The following UST variants were observed in gnomAD, a reference collection of about 807,000 sequenced individuals.
UST encodes chondroitin sulfate 2-O-sulfotransferase.
UST carries 21 observed loss-of-function variants against 45.6 expected under a neutral mutation model. That is an observed-to-expected ratio of 0.46 (90% confidence interval 0.33 to 0.66). UST has a LOEUF of 0.66. UST is among the 30% of genes least tolerant of loss of function. UST has a pLI of 0.02. For synonymous variants in UST, 215 were observed against 200.6 expected (o/e 1.07, Z -0.61); for missense variants, 463 against 512.4 (o/e 0.90, Z 0.93).
intron 3 of UST, among the ~76,000 whole-genome samples, chr6:148,946,305 G>T (rs1473506596): frequency 6.6e-6 from 1 of 152,022 alleles, no homozygotes; most frequent in African/African-American, 2.4e-5. Context: ...GAGGTCAGGA[G>T]TTCGAGACCA....
At chr6:148,971,817 C>G (rs1303404141) in intron 5 of UST, among the ~76,000 whole-genome samples, 1 of 152,212 alleles carries the variant, frequency 6.6e-6, no homozygotes, top group Non-Finnish European at 1.5e-5. Context: ...GGCATGTTTA[C>G]AGGACATCCT....
At chr6:148,791,927 C>T (rs935114653) in intron 1 of UST, among the ~76,000 whole-genome samples, 1 of 152,202 alleles carries the variant, frequency 6.6e-6, no homozygotes, top group African/African-American at 2.4e-5. Context: ...TGTATCTAAG[C>T]TTGCACACTT....
intron 1 of UST, among the ~76,000 whole-genome samples, chr6:148,886,715 G>A (rs901597395): frequency 6.6e-6 from 1 of 152,146 alleles, no homozygotes; most frequent in Non-Finnish European, 1.5e-5. Context: ...TAATGGGTGA[G>A]AATAATGGTG....
At chr6:148,858,876 A>G (rs145873507) in intron 1 of UST, among the ~76,000 whole-genome samples, 24,198 of 152,148 alleles carry the variant, frequency 0.16, 2,086 homozygotes, top group Middle Eastern at 0.3. Flanking sequence ...TATGTGCCAC[A>G]TTTTTTTAAT....
intron 2 of UST, among the ~76,000 whole-genome samples, chr6:148,938,805 A>G (rs540957287): frequency 1.3e-5 from 2 of 151,336 alleles, no homozygotes; most frequent in East Asian, 1.9e-4. Context: ...ATAATATTAT[A>G]TCAAAATAGA....
intron 1 of UST, among the ~76,000 whole-genome samples, chr6:148,810,883 CAAAG>C (rs1476996508): frequency 2.0e-5 from 3 of 152,020 alleles, no homozygotes; most frequent in South Asian, 2.1e-4. Context: ...AATAATTCCC[CAAAG>C]AAAGTTGGGA....
At chr6:148,775,041 A>C (rs1776504680) in intron 1 of UST, among the ~76,000 whole-genome samples, 1 of 152,104 alleles carries the variant, frequency 6.6e-6, no homozygotes, top group Admixed American at 6.5e-5. Flanking sequence ...AAAAGAGTGC[A>C]TGAAAGAAAA....
chr6:148,987,964 T>A (rs890108295), intron 5 of UST, among the ~76,000 whole-genome samples: 3 of 152,032 alleles, frequency 2.0e-5, no homozygotes, highest in African/African-American at 7.2e-5. Flanking sequence ...CTCGAGGAAT[T>A]GTCTAAGGAG....
At chr6:148,763,545 G>C (rs1776261246) in intron 1 of UST, among the ~76,000 whole-genome samples, 1 of 151,784 alleles carries the variant, frequency 6.6e-6, no homozygotes, top group Non-Finnish European at 1.5e-5. Flanking sequence ...TGTTTTTGTT[G>C]CATTGCTTAG....
chr6:148,987,508 A>C (rs539755777), intron 5 of UST, among the ~76,000 whole-genome samples: 2 of 152,236 alleles, frequency 1.3e-5, no homozygotes, highest in African/African-American at 4.8e-5. Context: ...TTTCTACTGC[A>C]CATGAGTAAG....
intron 1 of UST, among the ~76,000 whole-genome samples, chr6:148,757,702 T>G (rs1292728635): frequency 6.6e-6 from 1 of 152,252 alleles, no homozygotes; most frequent in Non-Finnish European, 1.5e-5. Flanking sequence ...GAAACACCAT[T>G]GCTGTTTTTT....
intron 5 of UST, among the ~76,000 whole-genome samples, chr6:148,966,575 T>C (rs1780804286): frequency 6.6e-6 from 1 of 152,242 alleles, no homozygotes; most frequent in South Asian, 2.1e-4. Flanking sequence ...TTAAGAGGAA[T>C]GCTCTAGCTT....
At chr6:148,871,152 C>T (rs1368878968) in intron 1 of UST, among the ~76,000 whole-genome samples, 3 of 151,368 alleles carry the variant, frequency 2.0e-5, no homozygotes, top group Non-Finnish European at 2.9e-5. Context: ...CTCTCCCTCT[C>T]TCCCTCTCTC....
intron 7 of UST, among the ~76,000 whole-genome samples, chr6:149,023,808 G>A (rs1257291952): frequency 2.0e-5 from 3 of 152,150 alleles, no homozygotes; most frequent in African/African-American, 7.2e-5. Flanking sequence ...AGTGGCTCTT[G>A]TCGTGGTATA....
chr6:148,863,943 C>T (rs987598309), intron 1 of UST, among the ~76,000 whole-genome samples: 2 of 152,198 alleles, frequency 1.3e-5, no homozygotes, highest in African/African-American at 2.4e-5. Flanking sequence ...TTAGGCTACT[C>T]GGGGGTCAGG....
At chr6:149,052,758 T>C (rs1776506808) in intron 7 of UST, among the ~76,000 whole-genome samples, 1 of 152,238 alleles carries the variant, frequency 6.6e-6, no homozygotes, top group African/African-American at 2.4e-5. Flanking sequence ...GTGATGTTCA[T>C]TGATATTCTA....
intron 7 of UST, among the ~76,000 whole-genome samples, chr6:149,029,340 GTTATATA>G (rs962048737): frequency 1.4e-5 from 2 of 145,484 alleles, no homozygotes; most frequent in Non-Finnish European, 3.0e-5. Context: ...TATATTGTAC[GTTATATA>G]TTATATATAA....
intron 1 of UST, among the ~76,000 whole-genome samples, chr6:148,803,126 T>TG (rs1777081772): frequency 6.6e-6 from 1 of 152,186 alleles, no homozygotes; most frequent in Non-Finnish European, 1.5e-5. Flanking sequence ...ATGATACTGT[T>TG]GCAATTGCTG....
intron 1 of UST, among the ~76,000 whole-genome samples, chr6:148,838,970 A>C (rs1414091823): frequency 1.3e-5 from 2 of 152,106 alleles, no homozygotes; most frequent in Admixed American, 6.6e-5. Flanking sequence ...CCAATATTCA[A>C]TTTCATTATC....
Sources: gnomAD v4.1 joint callset for allele counts (sites outside exome capture counted in the v4.1 genomes callset) on GRCh38, gnomAD v4.1.1 for gene constraint, MANE v1.5 for transcripts, NCBI Gene and HGNC (gene_info 2026-07-23, HGNC 2026-07-21) for gene names.